The following STAT6 variants were observed in gnomAD, a reference collection of about 807,000 sequenced individuals.
STAT6 encodes the protein STAT, interleukin4-induced.
A neutral mutation model predicts 106.3 loss-of-function variants in STAT6; 45 were observed. That is an observed-to-expected ratio of 0.42 (90% CI 0.33 to 0.54). The LOEUF (loss-of-function observed/expected upper bound fraction) is 0.54, where lower values mean the gene tolerates loss of function less well. Among genes scored for constraint, STAT6 ranks in the 20% least tolerant of loss-of-function variants. The pLI is 0.06. For synonymous variants in STAT6, 413 were observed against 413.6 expected (o/e 1.00, Z 0.02); for missense variants, 797 against 1,062.2 (o/e 0.75, Z 3.47).
chr12:57,099,867 A>G lies in STAT6; in HGVS notation c.1644T>C (p.Thr548=), dbSNP rs1486702054. The G allele has an allele frequency of 6.2e-7, 1 of 1,614,246 alleles. No homozygotes were observed. The highest frequency in any genetic ancestry group is 8.5e-7 in the Non-Finnish European group (1 of 1,180,044). Residue 548 remains threonine, a synonymous_variant, in exon 15 of 22, where the codon ACT becomes ACC. Transcript: ENST00000300134. The surrounding 1 kb of genome is among the most constrained non-coding windows in gnomAD (Gnocchi z 4.7). ...IIGFISKQYV[T]SLLLNEPDGT... ...CGTCGGGCTCATTGAGAAGAAGGCT[A>G]GTAACGTACTGTTTGCTGATGAAGC...
intron 13 of STAT6, among the ~76,000 whole-genome samples, chr12:57,101,807 G>A (rs1303173692): frequency 6.6e-6 from 1 of 151,318 alleles, no homozygotes; most frequent in Non-Finnish European, 1.5e-5. Flanking sequence ...TGGGATTACA[G>A]GCATGTGCCA....
chr12:57,102,241 C>G, intron 13 of STAT6, 49 bp downstream of exon 13: 1 of 1,601,888 alleles, frequency 6.2e-7, no homozygotes, highest in Non-Finnish European at 8.5e-7. Context: ...CTGAGTGCCC[C>G]AGGGATGAAG....
intron 13 of STAT6, among the ~76,000 whole-genome samples, chr12:57,101,107 T>A (rs2033901711): frequency 1.3e-5 from 2 of 152,110 alleles, no homozygotes; most frequent in Admixed American, 1.3e-4. Flanking sequence ...CTTTTTTTTT[T>A]TAGACAGAAT....
intron 1 of STAT6, chr12:57,110,352 C>A (rs939580237): frequency 6.6e-6 from 1 of 152,290 alleles, no homozygotes; most frequent in Non-Finnish European, 1.5e-5. Context: ...GAGGGAGGAG[C>A]CACGGCGTGA....
chr12:57,099,005 C>T lies in STAT6; in HGVS notation c.1955+10G>A, dbSNP rs542577685. 8 of 1,614,168 alleles carry T rather than the reference C, an allele frequency of 5.0e-6. No individual in the cohort carries two copies. The African/African-American group carries it at 1.1e-4, about 22-fold the overall frequency. ...CCTGACCTACCCACTGTCCATACCACCACACTCACCTTTCCACGGTCATCT... is the reference window on the plus strand; with the variant it reads ...CCTGACCTACCCACTGTCCATACCATCACACTCACCTTTCCACGGTCATCT... On this transcript the variant is annotated intron_variant, in intron 17 of 21. Coordinates refer to ENST00000300134, the MANE Select transcript of STAT6 (RefSeq NM_003153.5). The surrounding 1 kb of genome is among the most constrained non-coding windows in gnomAD (Gnocchi z 4.7).
At position 57,099,761 on chromosome 12, in the gene STAT6, C is replaced by A. The variant is rs748627613; in HGVS notation, c.1744+6G>T. ...AGAGACAGAGGACTGGCTGGGGTGG[C>A]CTCACCATCCTGGCCCCGGATGACA... On this transcript the variant is annotated splice_donor_region_variant and intron_variant, in intron 15 of 21. Coordinates refer to ENST00000300134, the MANE Select transcript of STAT6 (RefSeq NM_003153.5). The surrounding 1 kb of genome is among the most constrained non-coding windows in gnomAD (Gnocchi z 4.7). 1 of 1,595,874 alleles carries A rather than the reference C, an allele frequency of 6.3e-7. No individual in the cohort carries two copies. The highest frequency in any genetic ancestry group is 1.1e-5 in the South Asian group (1 of 88,406).
Position 57,107,318 on chromosome 12 carries a change from C to G in STAT6, c.256-4G>C. On this transcript the variant is annotated splice_region_variant and splice_polypyrimidine_tract_variant and intron_variant, in intron 3 of 21. Transcript: ENST00000300134. ...GGGGGTCCCTCTGATATATGCTCTACAGAAATGAGGGTGGTAAACAGTGAG... is the reference window on the plus strand; with the variant it reads ...GGGGGTCCCTCTGATATATGCTCTAGAGAAATGAGGGTGGTAAACAGTGAG... 6.2e-7 allele frequency: 1 copy of G among 1,613,638 alleles called. No homozygotes were observed. Among genetic ancestry groups the G allele is most frequent in the Non-Finnish European group, 8.5e-7 (1 of 1,179,518 alleles).
At chr12:57,105,958 A>AG in intron 7 of STAT6, 1 of 692,846 alleles carries the variant, frequency 1.4e-6, no homozygotes, top group East Asian at 2.8e-5. Flanking sequence ...ATGGGGCTTG[A>AG]GGAGAGAAGC....
intron 13 of STAT6, among the ~76,000 whole-genome samples, chr12:57,101,333 C>T (rs940696419): frequency 8.0e-5 from 12 of 150,766 alleles, no homozygotes; most frequent in Non-Finnish European, 1.3e-4. Context: ...GTGATCCGCC[C>T]GCCTCAGCCT....
At chr12:57,102,518 A>G (rs1391533749) in intron 12 of STAT6, 22 bp from the exon 13 acceptor site, 1 of 1,611,002 alleles carries the variant, frequency 6.2e-7, no homozygotes. Flanking sequence ...GGGGAAGAAG[A>G]GAGCACTGCA....
At chr12:57,104,661 C>T in intron 10 of STAT6, 65 bp downstream of exon 10, 1 of 1,612,748 alleles carries the variant, frequency 6.2e-7, no homozygotes, top group Non-Finnish European at 8.5e-7. Flanking sequence ...TCCTGACATC[C>T]TCTCCAAGGA....
Position 57,099,628 on chromosome 12 carries a change from A to T in STAT6, c.1744+139T>A, listed in dbSNP as rs2033685874. The T allele has an allele frequency of 5.6e-6, 8 of 1,418,772 alleles. No homozygotes were observed. The South Asian group carries it at 1.1e-4, about 19-fold the overall frequency. The allele number at this position is 1,418,772 out of a possible 1,614,324, so 87.9% of individuals were successfully genotyped here. A position where few individuals can be genotyped will look rare whatever the true frequency, so the allele number is the denominator to read the frequency against. On this transcript the variant is annotated intron_variant, in intron 15 of 21. Transcript: ENST00000300134. The surrounding 1 kb of genome is among the most constrained non-coding windows in gnomAD (Gnocchi z 4.7). ...TCACAGTGAGAAGGTGAACATTTAGACCACAGAAGGAAGAAGAGAAGCTGG... is the reference window on the plus strand; with the variant it reads ...TCACAGTGAGAAGGTGAACATTTAGTCCACAGAAGGAAGAAGAGAAGCTGG...
At chr12:57,105,033 G>T in intron 9 of STAT6, 118 bp downstream of exon 9, 1 of 1,329,516 alleles carries the variant, frequency 7.5e-7, no homozygotes, top group South Asian at 1.4e-5. Flanking sequence ...GACCATTCAG[G>T]GTCTCCACAT....
At position 57,096,609 on chromosome 12, in the gene STAT6, A is replaced by G; in HGVS notation, c.2507T>C (p.Met836Thr). Reference sequence around the variant, plus strand: ...GTTGGCCCTTAGGTCCATGTGGGACATTGAGATCCCAGATTGCCCATAGTG... The same window carrying G: ...GTTGGCCCTTAGGTCCATGTGGGACGTTGAGATCCCAGATTGCCCATAGTG... ...PSHYGQSGIS[M>T]SHMDLRANPS... Residue 836 changes from methionine to threonine, a missense_variant, in exon 22 of 22, where the codon ATG (methionine) becomes ACG (threonine). Met to Thr is a moderately conservative substitution (Grantham distance 81). Around this residue, in one of 4 missense-constraint regions of STAT6, gnomAD observed 226 missense variants for 236.7 expected, o/e 0.95. Transcript: ENST00000300134. The G allele has an allele frequency of 1.2e-6, 2 of 1,607,382 alleles. No individual in the cohort carries two copies. The highest frequency in any genetic ancestry group is 1.7e-6 in the Non-Finnish European group (2 of 1,177,752).
In STAT6 at chr12:57,096,351, T is replaced by C; in HGVS notation, c.*221A>G. 1.8e-6 allele frequency: 1 copy of C among 552,692 alleles called. No individual in the cohort carries two copies. Among genetic ancestry groups the C allele is most frequent in the Non-Finnish European group, 3.2e-6 (1 of 314,964 alleles). The allele number at this position is 552,692 out of a possible 1,614,324, so 34.2% of individuals were successfully genotyped here. A position where few individuals can be genotyped will look rare whatever the true frequency, so the allele number is the denominator to read the frequency against. On this transcript the variant is annotated 3_prime_UTR_variant, in exon 22 of 22. Coordinates refer to ENST00000300134, the MANE Select transcript of STAT6 (RefSeq NM_003153.5). ...GAGCCTGAACTTCCCTTCCAGTCAGTGCTGGAAGGAGGTGGGCAGGGGAAT... is the reference window on the plus strand; with the variant it reads ...GAGCCTGAACTTCCCTTCCAGTCAGCGCTGGAAGGAGGTGGGCAGGGGAAT...
intron 4 of STAT6, 99 bp downstream of exon 4, chr12:57,107,132 C>CT: frequency 7.5e-7 from 1 of 1,328,928 alleles, no homozygotes; most frequent in Non-Finnish European, 1.1e-6. Context: ...GCCTAGAACA[C>CT]TGAGCCTTTA....
chr12:57,096,440 T>A lies in STAT6; in HGVS notation c.*132A>T. ...CATTCTCCTGTTAGTCTTTTCCTCC[T>A]GACCCAGGAGTAGGTGGGGATAGGA... On this transcript the variant is annotated 3_prime_UTR_variant, in exon 22 of 22. Transcript: ENST00000300134. 1 of 827,556 alleles carries A rather than the reference T, an allele frequency of 1.2e-6. No individual in the cohort carries two copies. Among genetic ancestry groups the A allele is most frequent in the Non-Finnish European group, 1.9e-6 (1 of 523,918 alleles). The allele number at this position is 827,556 out of a possible 1,614,324, so 51.3% of individuals were successfully genotyped here.
In STAT6 at chr12:57,096,375, A is replaced by G. The variant is rs12721591; in HGVS notation, c.*197T>C. 1.2e-3 allele frequency: 679 copies of G among 585,434 alleles called. 5 individuals are homozygous for G. The highest frequency in any genetic ancestry group is 0.011 in the African/African-American group (599 of 52,924). 36.3% of individuals were successfully genotyped at this position (585,434 alleles called of 1,614,324 possible). Reference sequence around the variant, plus strand: ...GTGCTGGAAGGAGGTGGGCAGGGGAATGATAGAAAGGAAGGAGTGGATTGG... The same window carrying G: ...GTGCTGGAAGGAGGTGGGCAGGGGAGTGATAGAAAGGAAGGAGTGGATTGG... On this transcript the variant is annotated 3_prime_UTR_variant, in exon 22 of 22. Transcript: ENST00000300134.
chr12:57,096,580 T>C lies in STAT6; in HGVS notation c.2536A>G (p.Ser846Gly). The change falls in exon 22 of 22, where the codon AGT becomes GGT. Residue 846 changes from serine to glycine, a missense_variant. Physicochemically the swap from Ser to Gly is moderately conservative, Grantham distance 56. Transcript: ENST00000300134. ...MSHMDLRANPSW is the reference protein window; with the variant it reads ...MSHMDLRANPGW ...TCTCCCTCCAGCTGGGATCACCAACTGGGGTTGGCCCTTAGGTCCATGTGG... is the reference window on the plus strand; with the variant it reads ...TCTCCCTCCAGCTGGGATCACCAACCGGGGTTGGCCCTTAGGTCCATGTGG... The C allele has an allele frequency of 1.9e-6, 3 of 1,590,708 alleles. No homozygotes were observed. The highest frequency in any genetic ancestry group is 2.6e-6 in the Non-Finnish European group (3 of 1,170,354).
Sources: gnomAD v4.1 joint callset for allele counts (sites outside exome capture counted in the v4.1 genomes callset) on GRCh38, gnomAD v4.1.1 for gene constraint, gnomAD v4.1.1 regional missense constraint, Gnocchi (gnomAD v3.1) non-coding constraint, MANE v1.5 for transcripts, NCBI Gene and HGNC (gene_info 2026-07-23, HGNC 2026-07-21) for gene names.